The following EVL variants were observed in gnomAD, a reference collection of about 807,000 sequenced individuals.
EVL encodes the protein Enah/Vasp-like.
EVL carries 21 observed loss-of-function variants against 59.6 expected under a neutral mutation model. That is an observed-to-expected ratio of 0.35 (90% CI 0.25 to 0.51). The LOEUF is 0.51. EVL is among the 20% of genes least tolerant of loss of function. The pLI is 0.97. For missense variants in EVL, 462 were observed against 546.6 expected, an observed-to-expected ratio of 0.85 and a Z score of 1.54; for synonymous variants, 198 against 203.5, an observed-to-expected ratio of 0.97 and a Z score of 0.23.
intron 1 of EVL, among the ~76,000 whole-genome samples, chr14:99,981,206 T>C (rs1371886253): frequency 6.6e-6 from 1 of 152,000 alleles, no homozygotes; most frequent in Non-Finnish European, 1.5e-5. Context: ...AGGCAGTGGA[T>C]TGATCACCTG....
intron 1 of EVL, among the ~76,000 whole-genome samples, chr14:99,994,556 A>T (rs1285066160): frequency 1.3e-5 from 2 of 152,078 alleles, no homozygotes; most frequent in African/African-American, 4.8e-5. Flanking sequence ...ACTCCTTTAC[A>T]TCCCTGTCCA....
chr14:100,015,085 G>A (rs1028734959), intron 1 of EVL, among the ~76,000 whole-genome samples: 6 of 152,084 alleles, frequency 3.9e-5, no homozygotes, highest in East Asian at 1.9e-4. Context: ...TTTGCTTCAC[G>A]TCCATCATGG....
intron 3 of EVL, among the ~76,000 whole-genome samples, chr14:100,113,016 G>A (rs1887101274): frequency 6.6e-6 from 1 of 152,216 alleles, no homozygotes; most frequent in Non-Finnish European, 1.5e-5. Context: ...GTTATGCTAT[G>A]ATGCAGAGAA....
At chr14:100,027,976 C>G (rs1018677515) in intron 1 of EVL, among the ~76,000 whole-genome samples, 1 of 152,112 alleles carries the variant, frequency 6.6e-6, no homozygotes, top group African/African-American at 2.4e-5. Context: ...CACCCAGACT[C>G]AATTCCTATC....
At chr14:100,057,945 A>G (rs1460573917) in intron 1 of EVL, among the ~76,000 whole-genome samples, 2 of 152,218 alleles carry the variant, frequency 1.3e-5, no homozygotes, top group African/African-American at 4.8e-5. Flanking sequence ...AGGGCTTTGT[A>G]CTCAAAACAC....
Position 100,109,466 on chromosome 14 carries a change from C to T in EVL, c.358+11808C>T, listed in dbSNP as rs1326567589. The T allele has an allele frequency of 2.4e-6, 1 of 408,298 alleles. No homozygotes were observed. The allele number at this position is 408,298 out of a possible 1,614,324, so 25.3% of individuals were successfully genotyped here. A position where few individuals can be genotyped will look rare whatever the true frequency, so the allele number is the denominator to read the frequency against. On this transcript the variant is annotated intron_variant, in intron 3 of 13. Transcript: ENST00000392920. This position sits in a 1 kb window ranked among gnomAD's most constrained non-coding sequence, Gnocchi z 4.3. ...CTGTGAGCTCCTCGAGGGCAGGTGT[C>T]TGTTTCTGTGTCTCGGGAGCCCTGA...
upstream of EVL, among the ~76,000 whole-genome samples, chr14:100,063,408 T>C (rs2061871047): frequency 6.6e-6 from 1 of 152,234 alleles, no homozygotes; most frequent in Non-Finnish European, 1.5e-5. Context: ...TCTGATGATG[T>C]TGGGCTTCTG....
At position 99,972,094 on chromosome 14, in the gene EVL, G is replaced by A. The variant is rs539634785; in HGVS notation, c.5+37G>A. On this transcript the variant is annotated intron_variant, in intron 1 of 13. Coordinates refer to the EVL transcript ENST00000402714. This position sits in a 1 kb window ranked among gnomAD's most constrained non-coding sequence, Gnocchi z 4.4. ...CCGGCGCCTCGTGGGAGGTGGCAGCGGCCAGCGTCGGAGGGGCTGGGCTGG... is the reference window on the plus strand; with the variant it reads ...CCGGCGCCTCGTGGGAGGTGGCAGCAGCCAGCGTCGGAGGGGCTGGGCTGG... The A allele has an allele frequency of 1.4e-3, 455 of 317,358 alleles. 1 individual carries two copies. The highest frequency in any genetic ancestry group is 9.2e-3 in the African/African-American group (422 of 45,702). 19.7% of individuals were successfully genotyped at this position (317,358 alleles called of 1,614,324 possible).
intron 7 of EVL, 93 bp from the exon 8 acceptor site, chr14:100,132,626 C>T (rs1218662948): frequency 2.0e-5 from 28 of 1,370,394 alleles, no homozygotes; most frequent in East Asian, 6.9e-5. Flanking sequence ...ATCTGAGGAC[C>T]GGGGTGAGTC....
intron 1 of EVL, among the ~76,000 whole-genome samples, chr14:100,012,356 A>G (rs1056939870): frequency 6.6e-6 from 1 of 152,224 alleles, no homozygotes; most frequent in East Asian, 1.9e-4. Context: ...TGCTGGTCAC[A>G]TGGCAGGTGC....
intron 1 of EVL, among the ~76,000 whole-genome samples, chr14:100,069,510 CAG>C (rs1431324522): frequency 2.0e-5 from 3 of 152,166 alleles, no homozygotes; most frequent in African/African-American, 7.2e-5. Context: ...ACGGGCAAGT[CAG>C]AGAGTCCCAG....
At chr14:100,072,562 TTTTC>T (rs1472095488) in intron 1 of EVL, among the ~76,000 whole-genome samples, 2 of 152,224 alleles carry the variant, frequency 1.3e-5, no homozygotes, top group Admixed American at 1.3e-4. Flanking sequence ...AAAGTGTTGA[TTTTC>T]TTTGTTGTAA....
At position 99,979,320 on chromosome 14, in the gene EVL, G is replaced by A. The variant is rs74084696; in HGVS notation, c.5+7263G>A. On this transcript the variant is annotated intron_variant, in intron 1 of 13. Transcript: ENST00000402714. ...ATATATTCGAGTCATTTATCTATTGGGAACATTCTCTTCTGTGAACATTTT... is the reference window on the plus strand; with the variant it reads ...ATATATTCGAGTCATTTATCTATTGAGAACATTCTCTTCTGTGAACATTTT... Among the ~76,000 whole-genome samples the A allele has an allele frequency of 2.8e-3, 432 of 151,678 alleles. 4 individuals are homozygous for A. The highest frequency in any genetic ancestry group is 9.9e-3 in the African/African-American group (409 of 41,370).
At chr14:100,055,718 C>G (rs937592646) in intron 1 of EVL, among the ~76,000 whole-genome samples, 1 of 152,212 alleles carries the variant, frequency 6.6e-6, no homozygotes, top group Non-Finnish European at 1.5e-5. Flanking sequence ...TTAGAATTGT[C>G]TGTCTCTGCT....
intron 1 of EVL, among the ~76,000 whole-genome samples, chr14:100,009,342 C>G (rs1231428148): frequency 6.6e-6 from 1 of 152,238 alleles, no homozygotes; most frequent in Non-Finnish European, 1.5e-5. Flanking sequence ...AATAAAATGT[C>G]TTCCATCTTG....
At chr14:100,028,434 C>A (rs1478129863) in intron 1 of EVL, among the ~76,000 whole-genome samples, 2 of 152,068 alleles carry the variant, frequency 1.3e-5, no homozygotes, top group African/African-American at 4.8e-5. Flanking sequence ...TATATGTTTT[C>A]TTTGTATTGA....
intron 2 of EVL, among the ~76,000 whole-genome samples, chr14:100,086,069 C>G (rs2062436226): frequency 6.6e-6 from 1 of 152,176 alleles, no homozygotes; most frequent in African/African-American, 2.4e-5. Flanking sequence ...GCAGAGCTTG[C>G]AGTGAGCCGA....
chr14:100,015,811 C>A (rs1006796731), intron 1 of EVL, among the ~76,000 whole-genome samples: 1 of 152,172 alleles, frequency 6.6e-6, no homozygotes, highest in African/African-American at 2.4e-5. Flanking sequence ...TGGCTCATGC[C>A]TGTAATCCCA....
At chr14:100,032,446 C>T (rs996136654) in intron 1 of EVL, among the ~76,000 whole-genome samples, 1 of 152,166 alleles carries the variant, frequency 6.6e-6, no homozygotes, top group African/African-American at 2.4e-5. Context: ...AATGCTTAAA[C>T]ACAGCTTGCT....
Sources: gnomAD v4.1 joint callset for allele counts (sites outside exome capture counted in the v4.1 genomes callset) on GRCh38, gnomAD v4.1.1 for gene constraint, Gnocchi (gnomAD v3.1) non-coding constraint, MANE v1.5 for transcripts, NCBI Gene and HGNC (gene_info 2026-07-23, HGNC 2026-07-21) for gene names.